LRRC4C: variants seen among roughly 807,000 people sequenced by gnomAD.
LRRC4C encodes leucine-rich repeat-containing protein 4C.
A neutral mutation model predicts 33.6 loss-of-function variants in LRRC4C; 5 were observed. That is an observed-to-expected ratio of 0.15 (90% CI 0.08 to 0.31). The LOEUF is 0.31. LRRC4C is among the 10% of genes least tolerant of loss of function. The probability of loss-of-function intolerance (pLI) is 1.00; values close to 1 mark genes in which losing one functional copy is unlikely to be tolerated. For missense variants in LRRC4C, 560 were observed against 796.7 expected (o/e 0.70, Z 3.58); for synonymous variants, 329 against 302.0 (o/e 1.09, Z -0.93).
At position 40,913,970 on chromosome 11, in the gene LRRC4C, C is replaced by T. The variant is rs185925801; in HGVS notation, c.-407+19665G>A. 5.0e-3 allele frequency among the ~76,000 whole-genome samples: 755 copies of T among 152,262 alleles called. 3 individuals are homozygous for T. Among genetic ancestry groups the T allele is most frequent in the Non-Finnish European group, 7.8e-3 (531 of 68,012 alleles). Reference sequence around the variant, plus strand: ...TAGAAGAAATGGATAAATTCCTCGACATATACACCCTCCCAAGACTAAAAC... The same window carrying T: ...TAGAAGAAATGGATAAATTCCTCGATATATACACCCTCCCAAGACTAAAAC... On this transcript the variant is annotated intron_variant, in intron 2 of 6. Coordinates refer to ENST00000528697, the MANE Select transcript of LRRC4C (RefSeq NM_001258419.2).
At chr11:41,163,475 G>C (rs917099929) in intron 1 of LRRC4C, among the ~76,000 whole-genome samples, 2 of 150,888 alleles carry the variant, frequency 1.3e-5, no homozygotes, top group African/African-American at 4.9e-5. Context: ...GTAGAGATAG[G>C]GTTTCCCCAT....
At chr11:40,465,909 C>T (rs1231388142) in intron 3 of LRRC4C, among the ~76,000 whole-genome samples, 1 of 152,028 alleles carries the variant, frequency 6.6e-6, no homozygotes, top group Non-Finnish European at 1.5e-5. Context: ...TTTGATCCAG[C>T]AATTCCGCTA....
intron 4 of LRRC4C, among the ~76,000 whole-genome samples, chr11:40,309,802 C>T (rs1272818539): frequency 6.6e-6 from 1 of 152,108 alleles, no homozygotes; most frequent in Non-Finnish European, 1.5e-5. Flanking sequence ...ACACCATGCC[C>T]CACCAAAAGT....
chr11:40,817,177 T>C (rs1951740289), intron 2 of LRRC4C, among the ~76,000 whole-genome samples: 1 of 152,118 alleles, frequency 6.6e-6, no homozygotes, highest in Non-Finnish European at 1.5e-5. Context: ...GTGTCTGAAC[T>C]TGGCAGCAAA....
intron 5 of LRRC4C, among the ~76,000 whole-genome samples, chr11:40,193,686 T>A (rs536491668): frequency 6.6e-6 from 1 of 152,168 alleles, no homozygotes; most frequent in African/African-American, 2.4e-5. Flanking sequence ...TCTAACCCAA[T>A]GCAGGGAAGC....
chr11:40,517,807 A>G (rs1382202798), intron 3 of LRRC4C, among the ~76,000 whole-genome samples: 1 of 152,164 alleles, frequency 6.6e-6, no homozygotes, highest in Non-Finnish European at 1.5e-5. Flanking sequence ...AGCCCAGACA[A>G]TCATAAACAA....
At chr11:40,762,917 C>G (rs4418802) in intron 2 of LRRC4C, among the ~76,000 whole-genome samples, 1 of 151,528 alleles carries the variant, frequency 6.6e-6, no homozygotes, top group South Asian at 2.1e-4. Context: ...GTTTTCATGG[C>G]TATTTAAATT....
chr11:40,832,365 T>C lies in LRRC4C; in HGVS notation c.-407+101270A>G, dbSNP rs181335280. Among the ~76,000 whole-genome samples, 489 of 152,318 alleles carry C rather than the reference T, an allele frequency of 3.2e-3. 1 individual carries two copies. Among genetic ancestry groups the C allele is most frequent in the Middle Eastern group, 0.017 (5 of 294 alleles). On this transcript the variant is annotated intron_variant, in intron 2 of 6. Transcript: ENST00000528697. ...ATAGGTTAATCATCTAGAATTGTTG[T>C]AGAAAAATTACTTTTGCATTATAAT...
At chr11:41,012,935 T>A (rs1025342255) in intron 1 of LRRC4C, among the ~76,000 whole-genome samples, 1 of 152,210 alleles carries the variant, frequency 6.6e-6, no homozygotes, top group South Asian at 2.1e-4. Flanking sequence ...AAATCAGATT[T>A]TTTTTCCTAT....
At chr11:41,006,067 T>C (rs769279214) in intron 1 of LRRC4C, among the ~76,000 whole-genome samples, 4 of 152,156 alleles carry the variant, frequency 2.6e-5, no homozygotes, top group African/African-American at 9.6e-5. Flanking sequence ...GAAAAACAAT[T>C]AGAAGAAGAA....
rs187245469 is a variant in LRRC4C at position 40,180,455 on chromosome 11, G to T, written c.-95-39602C>A. Among the ~76,000 whole-genome samples the T allele has an allele frequency of 9.3e-4, 141 of 152,330 alleles. 1 individual carries two copies. The highest frequency in any genetic ancestry group is 1.0e-3 in the Non-Finnish European group (69 of 68,036). On this transcript the variant is annotated intron_variant, in intron 5 of 6. Transcript: ENST00000528697. ...GAGATCCCCTGGTCTGTAGTAAGAA[G>T]GGGCAGACGTTGAGTGGGAGGGATC... is the stretch of plus-strand genomic sequence containing the variant.
At chr11:40,160,245 C>T (rs1281377944) in intron 5 of LRRC4C, among the ~76,000 whole-genome samples, 2 of 151,812 alleles carry the variant, frequency 1.3e-5, no homozygotes, top group Non-Finnish European at 2.9e-5. Context: ...GGTGGTATTA[C>T]ATCCTGACTC....
chr11:40,243,848 C>A lies in LRRC4C; in HGVS notation c.-175-2250G>T, dbSNP rs548971389. On this transcript the variant is annotated intron_variant, in intron 4 of 6. Coordinates refer to ENST00000528697, the MANE Select transcript of LRRC4C (RefSeq NM_001258419.2). Reference sequence around the variant, plus strand: ...GGATTATAGGCTCCTGCCACCACACCTGGGTATTTTTTTTTTTTTTTTTGG... The same window carrying A: ...GGATTATAGGCTCCTGCCACCACACATGGGTATTTTTTTTTTTTTTTTTGG... Among the ~76,000 whole-genome samples, 7 of 147,570 alleles carry A rather than the reference C, an allele frequency of 4.7e-5. No homozygotes were observed. The South Asian group carries it at 1.5e-3, about 32-fold the overall frequency.
At chr11:41,401,139 A>G (rs956373110) in intron 1 of LRRC4C, among the ~76,000 whole-genome samples, 1 of 151,932 alleles carries the variant, frequency 6.6e-6, no homozygotes, top group Non-Finnish European at 1.5e-5. Flanking sequence ...ACAATCTAGG[A>G]CAGCAGAAGA....
chr11:40,465,224 C>G (rs1952594093), intron 3 of LRRC4C, among the ~76,000 whole-genome samples: 1 of 151,890 alleles, frequency 6.6e-6, no homozygotes, highest in Non-Finnish European at 1.5e-5. Context: ...AAACCCCGTT[C>G]AATAAATGGT....
At chr11:41,162,479 C>A (rs1168002743) in intron 1 of LRRC4C, among the ~76,000 whole-genome samples, 1 of 152,120 alleles carries the variant, frequency 6.6e-6, no homozygotes, top group East Asian at 1.9e-4. Flanking sequence ...TAGGCGATTT[C>A]TTCACTGTGC....
chr11:41,421,482 T>C (rs1320026040), intron 1 of LRRC4C, among the ~76,000 whole-genome samples: 1 of 152,038 alleles, frequency 6.6e-6, no homozygotes, highest in Admixed American at 6.6e-5. Context: ...ATAACATTTT[T>C]TCCTTAAAAC....
chr11:40,793,109 A>C (rs1485448043), intron 2 of LRRC4C, among the ~76,000 whole-genome samples: 1 of 152,182 alleles, frequency 6.6e-6, no homozygotes, highest in Non-Finnish European at 1.5e-5. Context: ...TACATTGTGC[A>C]CATGTACCCT....
chr11:40,431,103 A>AT (rs1352801527), intron 3 of LRRC4C, among the ~76,000 whole-genome samples: 70 of 65,928 alleles, frequency 1.1e-3, no homozygotes, highest in Non-Finnish European at 1.6e-3. Context: ...ATAATAAAAA[A>AT]AAAAAAAAAA....
Sources: gnomAD v4.1 joint callset for allele counts (sites outside exome capture counted in the v4.1 genomes callset) on GRCh38, gnomAD v4.1.1 for gene constraint, MANE v1.5 for transcripts, NCBI Gene and HGNC (gene_info 2026-07-23, HGNC 2026-07-21) for gene names.